SAMTOR: variants seen among roughly 807,000 people sequenced by gnomAD.
SAMTOR encodes S-adenosylmethionine sensor upstream of mTORC1.
At chr7:112,895,626 G>A in the SAMTOR span, 1 of 1,585,464 alleles carries the variant, frequency 6.3e-7, no homozygotes, top group East Asian at 2.2e-5. Context: ...TTCAAGTTGA[G>A]AAGACTCATG....
chr7:112,825,256 G>T, the SAMTOR span, among the ~76,000 whole-genome samples: 4 of 151,696 alleles, frequency 2.6e-5, no homozygotes, highest in African/African-American at 4.8e-5. Context: ...CGAACTTTTG[G>T]ACTCCAACAA....
the SAMTOR span, among the ~76,000 whole-genome samples, chr7:112,912,582 CAA>C: frequency 1.3e-5 from 2 of 151,826 alleles, no homozygotes; most frequent in Non-Finnish European, 2.9e-5. Context: ...ATATATAACT[CAA>C]GTTTCAAAAC....
At chr7:112,921,180 T>A in the SAMTOR span, among the ~76,000 whole-genome samples, 1 of 152,182 alleles carries the variant, frequency 6.6e-6, no homozygotes, top group East Asian at 1.9e-4. Flanking sequence ...GGCATCACGC[T>A]ACCTGACTTC....
chr7:112,915,310 A>G, the SAMTOR span: 1 of 1,609,662 alleles, frequency 6.2e-7, no homozygotes, highest in South Asian at 1.1e-5. Context: ...ACTTACCTAC[A>G]ACACCATTCA....
chr7:112,850,980 C>A, the SAMTOR span, among the ~76,000 whole-genome samples: 1 of 151,980 alleles, frequency 6.6e-6, no homozygotes, highest in Non-Finnish European at 1.5e-5. Context: ...CCAATAGTTA[C>A]AAAATATAAA....
At chr7:112,917,497 A>G in the SAMTOR span, among the ~76,000 whole-genome samples, 1 of 152,070 alleles carries the variant, frequency 6.6e-6, no homozygotes, top group African/African-American at 2.4e-5. Context: ...AAAGATGGGG[A>G]AAAAACAGAG....
At chr7:112,868,641 C>T in the SAMTOR span, among the ~76,000 whole-genome samples, 1 of 152,224 alleles carries the variant, frequency 6.6e-6, no homozygotes, top group Non-Finnish European at 1.5e-5. Flanking sequence ...AATTCAGGCT[C>T]ACACAAAGTC....
the SAMTOR span, among the ~76,000 whole-genome samples, chr7:112,847,304 T>G: frequency 6.6e-6 from 1 of 152,248 alleles, no homozygotes; most frequent in Non-Finnish European, 1.5e-5. Context: ...GGATCTTTAT[T>G]TTTCTTGATA....
At chr7:112,905,071 T>C in the SAMTOR span, among the ~76,000 whole-genome samples, 1 of 152,152 alleles carries the variant, frequency 6.6e-6, no homozygotes, top group African/African-American at 2.4e-5. Context: ...CTCAAGACCA[T>C]ATACCAGACA....
At chr7:112,886,931 C>A in the SAMTOR span, among the ~76,000 whole-genome samples, 2 of 152,072 alleles carry the variant, frequency 1.3e-5, no homozygotes, top group African/African-American at 4.8e-5. Flanking sequence ...CTTTGGAGGC[C>A]GAGGAAGGCA....
the SAMTOR span, among the ~76,000 whole-genome samples, chr7:112,915,698 A>C: frequency 3.9e-5 from 6 of 152,212 alleles, no homozygotes; most frequent in Non-Finnish European, 8.8e-5. Flanking sequence ...AATTATTTTT[A>C]ATAAATAAAT....
chr7:112,930,934 T>C, the SAMTOR span, among the ~76,000 whole-genome samples: 1 of 152,230 alleles, frequency 6.6e-6, no homozygotes, highest in Non-Finnish European at 1.5e-5. Context: ...TTTTAATTCA[T>C]GAACTTTCAT....
chr7:112,917,320 G>A, the SAMTOR span, among the ~76,000 whole-genome samples: 15 of 152,324 alleles, frequency 9.8e-5, no homozygotes, highest in South Asian at 4.1e-4. Flanking sequence ...TGCAGCCACC[G>A]CTGCTCCAGG....
the SAMTOR span, among the ~76,000 whole-genome samples, chr7:112,918,483 C>A: frequency 6.6e-6 from 1 of 152,212 alleles, no homozygotes; most frequent in Non-Finnish European, 1.5e-5. Context: ...CTACCAGCCA[C>A]TGCAAAATCA....
chr7:112,911,155 A>G, the SAMTOR span, among the ~76,000 whole-genome samples: 1 of 152,170 alleles, frequency 6.6e-6, no homozygotes, highest in African/African-American at 2.4e-5. Flanking sequence ...ACTCAAATGT[A>G]GAGATAATTC....
chr7:112,906,363 A>T, the SAMTOR span, among the ~76,000 whole-genome samples: 12 of 152,134 alleles, frequency 7.9e-5, no homozygotes, highest in African/African-American at 2.7e-4. Flanking sequence ...ATATATTTCC[A>T]CTGTTGATGG....
chr7:112,862,263 GACAA>G, the SAMTOR span, among the ~76,000 whole-genome samples: 1 of 151,990 alleles, frequency 6.6e-6, no homozygotes, highest in Non-Finnish European at 1.5e-5. Flanking sequence ...TTTGTTTTGA[GACAA>G]ACAAAACATG....
At chr7:112,820,089 T>C in the SAMTOR span, 1 of 152,532 alleles carries the variant, frequency 6.6e-6, no homozygotes, top group African/African-American at 2.4e-5. Context: ...ATTTGTGGCA[T>C]ATTTGAGCAA....
the SAMTOR span, among the ~76,000 whole-genome samples, chr7:112,903,133 G>A: frequency 6.6e-6 from 1 of 152,078 alleles, no homozygotes; most frequent in African/African-American, 2.4e-5. Flanking sequence ...GACCAACATA[G>A]TAAAACCCCG....
Sources: allele counts gnomAD v4.1 joint callset (sites outside exome capture counted in the v4.1 genomes callset), GRCh38; gene constraint gnomAD v4.1.1; transcripts MANE v1.5; gene names NCBI Gene and HGNC (gene_info 2026-07-23, HGNC 2026-07-21).